TET2: variants seen among roughly 807,000 people sequenced by gnomAD.
TET2 encodes methylcytosine dioxygenase TET2.
Under a neutral mutation model 142.9 loss-of-function variants are expected in TET2, and 299 were observed. The ratio of observed to expected loss-of-function variants is 2.09; its 90% CI spans 1.90 to 2.30. The LOEUF (loss-of-function observed/expected upper bound fraction) is 2.30, where lower values mean the gene tolerates loss of function less well. Among genes scored for constraint, TET2 ranks in the 30% most tolerant of loss-of-function variants. The pLI, the probability that TET2 is intolerant of heterozygous loss-of-function variation, is 0.00. For synonymous variants in TET2, 819 were observed against 849.0 expected (o/e 0.96, Z 0.61); for missense variants, 2,418 against 2,378.0 (o/e 1.02, Z -0.35).
intron 2 of TET2, among the ~76,000 whole-genome samples, chr4:105,214,941 G>C (rs545179768): frequency 2.0e-5 from 3 of 152,138 alleles, no homozygotes; most frequent in Admixed American, 1.3e-4. Flanking sequence ...ACCCCAACTC[G>C]AAGCTGGTTG....
rs368719525 is a variant in TET2 at position 105,236,625 on chromosome 4, G to T, written c.2683G>T (p.Val895Phe). The change falls in exon 3 of 11, where the codon GTT (valine) becomes TTT (phenylalanine). Residue 895 changes from valine to phenylalanine, a missense_variant. Coordinates refer to ENST00000380013, the MANE Select transcript of TET2 (RefSeq NM_001127208.3). Reference sequence around the variant, plus strand: ...GGAGCAGAAGTCACAACAAGCTTCAGTTCTACAGGGATATAAAAATAGAAA... The same window carrying T: ...GGAGCAGAAGTCACAACAAGCTTCATTTCTACAGGGATATAAAAATAGAAA... ...EQEQKSQQAS[V>F]LQGYKNRNQD... 1 of 1,614,022 alleles carries T rather than the reference G, an allele frequency of 6.2e-7. No individual in the cohort carries two copies. The highest frequency in any genetic ancestry group is 1.3e-5 in the African/African-American group (1 of 75,024).
chr4:105,189,929 A>T (rs1298691328), intron 1 of TET2, among the ~76,000 whole-genome samples: 1 of 152,156 alleles, frequency 6.6e-6, no homozygotes, highest in Admixed American at 6.5e-5. Flanking sequence ...ATGATTCTCA[A>T]TCCTGACTTC....
At chr4:105,190,250 T>A (rs972641859) in intron 1 of TET2, 110 bp from the exon 2 acceptor site, 1 of 492,440 alleles carries the variant, frequency 2.0e-6, no homozygotes, top group Non-Finnish European at 3.6e-6. Flanking sequence ...CACACTGTAA[T>A]GGAAATATCC....
chr4:105,202,169 G>GAT (rs1406065270), intron 2 of TET2, among the ~76,000 whole-genome samples: 3 of 152,042 alleles, frequency 2.0e-5, no homozygotes, highest in African/African-American at 4.8e-5. Context: ...TGTGAACACA[G>GAT]ATATATATAC....
chr4:105,270,075 G>A (rs1033637898), intron 9 of TET2, among the ~76,000 whole-genome samples: 3 of 152,096 alleles, frequency 2.0e-5, no homozygotes, highest in Admixed American at 2.0e-4. Context: ...AAAACACATG[G>A]GAATTTTGGG....
chr4:105,249,410 C>T (rs540446737), intron 6 of TET2, among the ~76,000 whole-genome samples: 8 of 152,276 alleles, frequency 5.3e-5, no homozygotes, highest in East Asian at 1.9e-4. Context: ...CAATGAACAT[C>T]GGTGTACAAG....
chr4:105,170,038 A>T (rs933367366), intron 1 of TET2, among the ~76,000 whole-genome samples: 4 of 152,082 alleles, frequency 2.6e-5, no homozygotes, highest in Non-Finnish European at 5.9e-5. Context: ...CTTTGTGCTT[A>T]GTTTTGCTTT....
chr4:105,237,624 T>G (rs1391874753), intron 3 of TET2: 1 of 1,449,944 alleles, frequency 6.9e-7, no homozygotes, highest in African/African-American at 1.4e-5. Flanking sequence ...TTTGAATGTA[T>G]CTGTTTTAGA....
intron 1 of TET2, among the ~76,000 whole-genome samples, chr4:105,159,371 T>C (rs1267579580): frequency 6.7e-6 from 1 of 149,150 alleles, no homozygotes; most frequent in African/African-American, 2.5e-5. Flanking sequence ...TTCTCCAGCC[T>C]CAGACACCCA....
At chr4:105,207,426 T>C (rs1726892992) in intron 2 of TET2, among the ~76,000 whole-genome samples, 1 of 152,146 alleles carries the variant, frequency 6.6e-6, no homozygotes, top group Non-Finnish European at 1.5e-5. Context: ...AGCCAACAGA[T>C]TTTAAACAAG....
At chr4:105,150,997 A>G (rs1168458671) in intron 1 of TET2, among the ~76,000 whole-genome samples, 1 of 152,210 alleles carries the variant, frequency 6.6e-6, no homozygotes, top group African/African-American at 2.4e-5. Context: ...TTTTTCTCAA[A>G]AGAATAGATA....
Position 105,174,197 on chromosome 4 carries a change from A to C in TET2, c.-192-16163A>C, listed in dbSNP as rs577247736. On this transcript the variant is annotated intron_variant, in intron 1 of 10. Transcript: ENST00000380013. Reference sequence around the variant, plus strand: ...ATGAATTTGATAAGCCTATCCCTTAATTTGATAGATCTTAAAAGATATTTT... The same window carrying C: ...ATGAATTTGATAAGCCTATCCCTTACTTTGATAGATCTTAAAAGATATTTT... Among the ~76,000 whole-genome samples, 6 of 152,324 alleles carry C rather than the reference A, an allele frequency of 3.9e-5. No homozygotes were observed. In the East Asian group the frequency reaches 1.2e-3, roughly 29 times the overall value.
At position 105,258,026 on chromosome 4, in the gene TET2, C is replaced by G. The variant is rs1025846856; in HGVS notation, c.3804-1593C>G. ...CAACCAATCTGGCCTCCTCTAGTGGCAGCCTGGCTGCTGCTTTTCATAATA... is the reference window on the plus strand; with the variant it reads ...CAACCAATCTGGCCTCCTCTAGTGGGAGCCTGGCTGCTGCTTTTCATAATA... On this transcript the variant is annotated intron_variant, in intron 6 of 10. Transcript: ENST00000380013. Among the ~76,000 whole-genome samples, 7 of 152,172 alleles carry G rather than the reference C, an allele frequency of 4.6e-5. 1 individual carries two copies. Among genetic ancestry groups the G allele is most frequent in the Admixed American group, 2.0e-4 (3 of 15,270 alleles).
intron 4 of TET2, chr4:105,241,814 G>A: frequency 8.0e-7 from 1 of 1,248,384 alleles, no homozygotes; most frequent in Non-Finnish European, 1.0e-6. Flanking sequence ...TATAAGAAAA[G>A]AACCACTGAA....
chr4:105,191,502 G>T (rs1345315787), intron 2 of TET2, among the ~76,000 whole-genome samples: 1 of 152,112 alleles, frequency 6.6e-6, no homozygotes, highest in Non-Finnish European at 1.5e-5. Context: ...AAAAAAGGAA[G>T]AATTAGGCTT....
At position 105,261,753 on chromosome 4, in the gene TET2, A is replaced by G. The variant is rs1358305716; in HGVS notation, c.3955-6A>G. ...TTTAATATGTAGAATTATTCACTTTATACAGGAAGAGAAACTGGAGTCTCA... is the reference window on the plus strand; with the variant it reads ...TTTAATATGTAGAATTATTCACTTTGTACAGGAAGAGAAACTGGAGTCTCA... On this transcript the variant is annotated splice_region_variant and splice_polypyrimidine_tract_variant and intron_variant, in intron 7 of 10. Coordinates refer to ENST00000380013, the MANE Select transcript of TET2 (RefSeq NM_001127208.3). 1.3e-6 allele frequency: 2 copies of G among 1,522,108 alleles called. No homozygotes were observed. Among genetic ancestry groups the G allele is most frequent in the Admixed American group, 2.0e-5 (1 of 50,474 alleles). The allele number at this position is 1,522,108 out of a possible 1,614,324, so 94.3% of individuals were successfully genotyped here.
Position 105,237,076 on chromosome 4 carries a change from C to T in TET2, c.3134C>T (p.Ala1045Val), listed in dbSNP as rs760021371. The change falls in exon 3 of 11, where the codon GCT becomes GTT. Residue 1045 changes from alanine (A) to valine (V), a missense_variant. Physicochemically the swap from Ala to Val is moderately conservative, Grantham distance 64 (BLOSUM62 0). Transcript: ENST00000380013. ...FHAKSLFDHKALTLKSQKQVK... is the reference protein window; with the variant it reads ...FHAKSLFDHKVLTLKSQKQVK... ...GCCAAGTCGTTATTTGACCATAAGG[C>T]TCTTACTCTCAAATCACAGAAGCAA... is the stretch of plus-strand genomic sequence containing the variant. The T allele has an allele frequency of 1.2e-6, 2 of 1,614,120 alleles. No homozygotes were observed. The highest frequency in any genetic ancestry group is 2.2e-5 in the East Asian group (1 of 44,870).
At chr4:105,242,127 G>T (rs1729338189) in intron 4 of TET2, 1 of 1,165,726 alleles carries the variant, frequency 8.6e-7, no homozygotes, top group African/African-American at 1.6e-5. Context: ...AAAGTACTTA[G>T]GATACATTGG....
intron 2 of TET2, among the ~76,000 whole-genome samples, chr4:105,193,050 C>T (rs891042376): frequency 2.0e-5 from 3 of 152,090 alleles, no homozygotes; most frequent in Non-Finnish European, 2.9e-5. Context: ...TAAATATTTA[C>T]ACATACACTT....
Sources: gnomAD v4.1 joint callset for allele counts (sites outside exome capture counted in the v4.1 genomes callset) on GRCh38, gnomAD v4.1.1 for gene constraint, MANE v1.5 for transcripts, NCBI Gene and HGNC (gene_info 2026-07-23, HGNC 2026-07-21) for gene names.